Variants in KNL1 observed in about 807,000 individuals in gnomAD.
KNL1 encodes kinetochore scaffold 1.
A neutral mutation model predicts 201.3 loss-of-function variants in KNL1; 66 were observed. That is an observed-to-expected ratio of 0.33 (90% CI 0.27 to 0.40). The LOEUF (loss-of-function observed/expected upper bound fraction) is 0.40, where lower values mean the gene tolerates loss of function less well. Ranked by LOEUF, KNL1 falls within the 10% of genes least tolerant of loss-of-function variation. The pLI, the probability that KNL1 is intolerant of heterozygous loss-of-function variation, is 1.00. For missense variants in KNL1, 2,815 were observed against 2,690.5 expected (o/e 1.05, Z -1.02); for synonymous variants, 895 against 899.2 (o/e 1.00, Z 0.08).
At chr15:40,655,069 G>A (rs972007737) in intron 22 of KNL1, 92 bp downstream of exon 22, 34 of 933,178 alleles carry the variant, frequency 3.6e-5, no homozygotes, top group Admixed American at 5.7e-5. Flanking sequence ...AGGCTGAGGC[G>A]GGTGGATCAC....
Position 40,622,579 on chromosome 15 carries a change from T to C in KNL1, c.2315T>C (p.Ile772Thr), listed in dbSNP as rs200553085. ...CTAACAAAGAGCCACACTGTCGTCA[T>C]TGGATTTGGTCCTTCTGAACTACAA... ...MDLTKSHTVV[I>T]GFGPSELQEL... Residue 772 changes from isoleucine (I) to threonine (T), a missense_variant, in exon 10 of 26, where the codon ATT becomes ACT. This residue lies in a region of KNL1 where 2,464 missense variants were observed against 2,291.7 expected (regional missense o/e 1.08). Coordinates refer to ENST00000399668, the MANE Select transcript of KNL1 (RefSeq NM_144508.5). The C allele has an allele frequency of 5.0e-5, 81 of 1,611,880 alleles. No homozygotes were observed. The highest frequency in any genetic ancestry group is 4.0e-5 in the African/African-American group (3 of 74,834).
At chr15:40,628,469 T>C in intron 11 of KNL1, 142 bp from the exon 12 acceptor site, 1 of 654,678 alleles carries the variant, frequency 1.5e-6, no homozygotes, top group Non-Finnish European at 2.6e-6. Flanking sequence ...AACTATAATA[T>C]ACTTTGCCCT....
intron 1 of KNL1, among the ~76,000 whole-genome samples, chr15:40,596,507 A>G (rs1023251468): frequency 2.0e-5 from 3 of 151,686 alleles, no homozygotes; most frequent in Non-Finnish European, 4.4e-5. Flanking sequence ...CGAACTCTTG[A>G]CCTCGGGATC....
chr15:40,615,089 A>G (rs939584776), intron 7 of KNL1, among the ~76,000 whole-genome samples: 1 of 152,204 alleles, frequency 6.6e-6, no homozygotes, highest in Admixed American at 6.5e-5. Context: ...TTAGCAAACC[A>G]TTAAGACCAA....
intron 2 of KNL1, among the ~76,000 whole-genome samples, chr15:40,603,716 T>C (rs755640251): frequency 9.9e-5 from 15 of 152,240 alleles, no homozygotes; most frequent in Non-Finnish European, 1.8e-4. Context: ...AACAGCACTT[T>C]TATTGAAGTG....
chr15:40,595,078 T>A (rs1268740074), intron 1 of KNL1, among the ~76,000 whole-genome samples: 1 of 152,228 alleles, frequency 6.6e-6, no homozygotes, highest in South Asian at 2.1e-4. Context: ...ACAGATAGGT[T>A]TAATAGGCAT....
chr15:40,639,403 T>C (rs1893153521), intron 13 of KNL1, among the ~76,000 whole-genome samples: 1 of 151,544 alleles, frequency 6.6e-6, no homozygotes, highest in Admixed American at 6.6e-5. Flanking sequence ...CTGGCCAACA[T>C]GGTGAAACCC....
chr15:40,661,064 A>ATT (rs563089931), intron 25 of KNL1, among the ~76,000 whole-genome samples: 12 of 151,910 alleles, frequency 7.9e-5, no homozygotes, highest in Non-Finnish European at 1.6e-4. Flanking sequence ...AGATTGGAAG[A>ATT]TAACAGAGTT....
Position 40,622,036 on chromosome 15 carries a change from A to T in KNL1, c.1772A>T (p.Tyr591Phe), listed in dbSNP as rs372098132. The change falls in exon 10 of 26, where the codon TAT (tyrosine) becomes TTT (phenylalanine). Residue 591 changes from tyrosine (Y) to phenylalanine (F), a missense_variant. Tyr to Phe is a conservative substitution (Grantham distance 22). Transcript: ENST00000399668. ...NLGSQVPLAAYNLAPESTSES... is the reference protein window; with the variant it reads ...NLGSQVPLAAFNLAPESTSES... The stretch of plus-strand genomic sequence containing the variant: ...GGAAGTCAGGTTCCTCTTGCAGCTT[A>T]TAATCTAGCACCGGAGAGTACCAGT... The T allele has an allele frequency of 3.1e-6, 5 of 1,614,074 alleles. No individual in the cohort carries two copies. The highest frequency in any genetic ancestry group is 3.4e-6 in the Non-Finnish European group (4 of 1,179,960).
At chr15:40,607,057 G>T (rs1380230062) in intron 4 of KNL1, among the ~76,000 whole-genome samples, 1 of 152,216 alleles carries the variant, frequency 6.6e-6, no homozygotes, top group African/African-American at 2.4e-5. Context: ...ACTGTACCCA[G>T]CCCTTAAAAA....
intron 14 of KNL1, among the ~76,000 whole-genome samples, chr15:40,643,563 T>G (rs967450154): frequency 2.6e-5 from 4 of 152,182 alleles, no homozygotes; most frequent in African/African-American, 9.7e-5. Flanking sequence ...GAGAATTGCT[T>G]GAACCCAGAA....
At chr15:40,619,071 C>A in intron 9 of KNL1, 60 bp downstream of exon 9, 1 of 1,137,546 alleles carries the variant, frequency 8.8e-7, no homozygotes, top group Non-Finnish European at 1.3e-6. Flanking sequence ...AAACAGAAAA[C>A]ACAATTCAAT....
intron 19 of KNL1, among the ~76,000 whole-genome samples, 158 bp from the exon 20 acceptor site, chr15:40,651,313 C>A (rs1369737412): frequency 2.1e-5 from 3 of 145,714 alleles, no homozygotes; most frequent in East Asian, 2.0e-4. Context: ...AAAAAAAAAA[C>A]TAAACTAAGA....
chr15:40,610,937 A>G (rs1299096967), intron 6 of KNL1: 1 of 424,858 alleles, frequency 2.4e-6, no homozygotes, highest in Non-Finnish European at 4.7e-6. Context: ...TTTAGTAGAG[A>G]CAGGGTTTCA....
intron 5 of KNL1, 113 bp from the exon 6 acceptor site, chr15:40,610,132 G>A: frequency 1.6e-6 from 1 of 612,860 alleles, no homozygotes; most frequent in Non-Finnish European, 2.9e-6. Context: ...TAGCAAAGAG[G>A]AAGCTAAAAT....
At chr15:40,660,184 T>C (rs945626293) in intron 25 of KNL1, among the ~76,000 whole-genome samples, 18 of 151,908 alleles carry the variant, frequency 1.2e-4, no homozygotes, top group African/African-American at 4.1e-4. Context: ...TGCTGGGGAT[T>C]ACAGGCGAAG....
At chr15:40,631,450 G>A (rs1002435218) in intron 13 of KNL1, among the ~76,000 whole-genome samples, 19 of 152,050 alleles carry the variant, frequency 1.2e-4, no homozygotes, top group South Asian at 2.1e-4. Flanking sequence ...CTTTGTTGTC[G>A]TGGAGTCTAA....
intron 6 of KNL1, chr15:40,610,890 C>T (rs997081159): frequency 4.4e-6 from 2 of 452,772 alleles, no homozygotes; most frequent in South Asian, 3.1e-5. Flanking sequence ...GCCGGGATTA[C>T]AGGCATGCAC....
Position 40,622,776 on chromosome 15 carries a change from T to C in KNL1, c.2512T>C (p.Phe838Leu). The C allele has an allele frequency of 1.2e-5, 20 of 1,611,748 alleles. No homozygotes were observed. The highest frequency in any genetic ancestry group is 1.7e-5 in the Non-Finnish European group (20 of 1,179,200). Residue 838 changes from phenylalanine (F) to leucine (L), a missense_variant, in exon 10 of 26, where the codon TTT becomes CTT. By Grantham distance (22) the Phe-to-Leu change is conservative (BLOSUM62 0). Transcript: ENST00000399668. The stretch of plus-strand genomic sequence containing the variant: ...GGACGAAAGTGTACAGAAACCTAAA[T>C]TTCCAAAGGAAAAGCAAAATGTCAA... ...LEDESVQKPK[F>L]PKEKQNVKIW...
Sources: gnomAD v4.1 joint callset for allele counts (sites outside exome capture counted in the v4.1 genomes callset) on GRCh38, gnomAD v4.1.1 for gene constraint, gnomAD v4.1.1 regional missense constraint, MANE v1.5 for transcripts, NCBI Gene and HGNC (gene_info 2026-07-23, HGNC 2026-07-21) for gene names.